Variants in WDR44 observed in about 807,000 individuals in gnomAD.
WDR44 encodes the protein WD repeat domain 44, also known as WD repeat-containing protein 44.
In WDR44, 9 loss-of-function variants were observed where a neutral mutation model predicts 65.7. The ratio of observed to expected loss-of-function variants is 0.14; its 90% CI spans 0.08 to 0.24. The LOEUF (loss-of-function observed/expected upper bound fraction) is 0.24, where lower values mean the gene tolerates loss of function less well. Ranked by LOEUF, WDR44 falls within the 10% of genes least tolerant of loss-of-function variation. WDR44 has a pLI of 1.00. For missense variants in WDR44, 425 were observed against 670.9 expected (o/e 0.63, Z 4.05); for synonymous variants, 220 against 235.2 (o/e 0.94, Z 0.59).
chrX:118,385,456 G>C (rs1217557180), intron 2 of WDR44, among the ~76,000 whole-genome samples: 1 of 111,320 alleles, frequency 9.0e-6, no homozygotes, highest in African/African-American at 3.3e-5. Context: ...TAAATGATGT[G>C]GACACATGAA....
In WDR44 at chrX:118,449,906, T is replaced by C. The variant is rs2057376046; in HGVS notation, c.*919T>C. 8.9e-6 allele frequency: 1 copy of C among 112,561 alleles called. No individual in the cohort carries two copies. Among genetic ancestry groups the C allele is most frequent in the African/African-American group, 3.2e-5 (1 of 30,940 alleles). 9.3% of individuals were successfully genotyped at this position (112,561 alleles called of 1,213,427 possible). Reference sequence around the variant, plus strand: ...GATCATGTTGTTGATGGTTAGCATATGTTTCTGAAAATTAAATATGTATTA... The same window carrying C: ...GATCATGTTGTTGATGGTTAGCATACGTTTCTGAAAATTAAATATGTATTA... On this transcript the variant is annotated 3_prime_UTR_variant, in exon 20 of 20. Coordinates refer to ENST00000254029, the MANE Select transcript of WDR44 (RefSeq NM_019045.5).
chrX:118,408,315 T>C (rs1004894601), intron 10 of WDR44, among the ~76,000 whole-genome samples: 2 of 111,681 alleles, frequency 1.8e-5, no homozygotes, highest in African/African-American at 6.5e-5. Context: ...TCTCAGTATC[T>C]AGAGATTCTG....
Position 118,441,466 on chromosome X carries a change from G to A in WDR44, c.2073G>A (p.Gln691=). The change falls in exon 15 of 20, where the codon CAG becomes CAA. Residue 691 remains glutamine, a synonymous_variant. Transcript: ENST00000254029. ...CTTTGTGGAATGAAGTAGATGGTCA[G>A]ACAAAATTGATCACAGCTGCAAATT... ...KVALWNEVDG[Q]TKLITAANFC... 2 of 1,211,418 alleles carry A rather than the reference G, an allele frequency of 1.7e-6. No homozygotes were observed. The highest frequency in any genetic ancestry group is 2.2e-6 in the Non-Finnish European group (2 of 895,160).
intron 1 of WDR44, among the ~76,000 whole-genome samples, chrX:118,372,929 A>G (rs918456629): frequency 1.9e-4 from 21 of 111,253 alleles, no homozygotes; most frequent in Non-Finnish European, 3.2e-4. Context: ...TCTCTACTAA[A>G]AATACAAAAA....
chrX:118,384,607 G>A (rs1338089858), intron 2 of WDR44, among the ~76,000 whole-genome samples: 2 of 111,887 alleles, frequency 1.8e-5, no homozygotes, highest in Non-Finnish European at 3.8e-5. Flanking sequence ...AAGTCGGGTA[G>A]CATGATGCCT....
At chrX:118,405,895 C>A (rs180913843) in intron 9 of WDR44, among the ~76,000 whole-genome samples, 1 of 111,351 alleles carries the variant, frequency 9.0e-6, no homozygotes, top group African/African-American at 3.3e-5. Context: ...AATTCCAGTA[C>A]TTTGAGAGGC....
Position 118,436,710 on chromosome X carries a change from T to C in WDR44, c.1860T>C (p.Phe620=). The change falls in exon 14 of 20, where the codon TTT becomes TTC. Residue 620 remains phenylalanine (F), a synonymous_variant. Coordinates refer to ENST00000254029, the MANE Select transcript of WDR44 (RefSeq NM_019045.5). ...TGTCATTTTCCCCATAGAACTACTT[T>C]CTTCTTTCTTCTTCAATGGATAAAA... The part of the protein sequence containing the change: ...LLDLSWSKNY[F]LLSSSMDKTV... 1.7e-6 allele frequency: 2 copies of C among 1,189,782 alleles called. No homozygotes were observed. The highest frequency in any genetic ancestry group is 2.3e-6 in the Non-Finnish European group (2 of 882,313).
At chrX:118,397,847 A>G (rs2056878627) in intron 7 of WDR44, among the ~76,000 whole-genome samples, 1 of 112,211 alleles carries the variant, frequency 8.9e-6, no homozygotes, top group Non-Finnish European at 1.9e-5. Flanking sequence ...TAAATTTCTA[A>G]ATTGCATTCA....
intron 1 of WDR44, among the ~76,000 whole-genome samples, chrX:118,352,823 TAAAGGTAGCCCC>T (rs1361528372): frequency 9.1e-6 from 1 of 110,118 alleles, no homozygotes; most frequent in East Asian, 2.9e-4. Context: ...GTGGAAGAGG[TAAAGGTAGCCCC>T]AGCAGTAGGT....
rs781659068 is a variant in WDR44, at chrX:118,393,293, A to T, written c.826+22A>T. ...GATGGCAAGTATTAATTGAGAAATC[A>T]CTCTGTTGGTTGGGCACAGTGGCTC... On this transcript the variant is annotated intron_variant, in intron 4 of 19. Transcript: ENST00000254029. 4 of 1,166,084 alleles carry T rather than the reference A, an allele frequency of 3.4e-6. No individual in the cohort carries two copies. In the South Asian group the frequency reaches 7.8e-5, roughly 23 times the overall value.
intron 8 of WDR44, among the ~76,000 whole-genome samples, chrX:118,400,101 CA>C (rs57505854): frequency 0.16 from 16,234 of 100,019 alleles, 2,418 homozygotes; most frequent in African/African-American, 0.44. Context: ...CACCCCCCAC[CA>C]AAAAAAAAAA....
chrX:118,397,961 G>A (rs975966119), intron 7 of WDR44, among the ~76,000 whole-genome samples: 6 of 112,128 alleles, frequency 5.4e-5, no homozygotes, highest in Non-Finnish European at 9.4e-5. Context: ...TATGGGCCGA[G>A]CACAGTGGCT....
chrX:118,360,787 G>A (rs1371493166), intron 1 of WDR44, among the ~76,000 whole-genome samples: 1 of 111,746 alleles, frequency 8.9e-6, no homozygotes, highest in Non-Finnish European at 1.9e-5. Flanking sequence ...AGGATAGAGG[G>A]GGATAAAAAC....
chrX:118,421,740 T>G lies in WDR44; in HGVS notation c.1737+10781T>G, dbSNP rs566779606. On this transcript the variant is annotated intron_variant, in intron 12 of 19. Transcript: ENST00000254029. ...ATTGGTAATGCCAAGCCTAGAATTC[T>G]GGCTACTTTCTGTTTCTGTTAATTT... Among the ~76,000 whole-genome samples the G allele has an allele frequency of 1.2e-4, 14 of 112,039 alleles. No individual in the cohort carries two copies. In the South Asian group the frequency reaches 5.2e-3, roughly 42 times the overall value.
chrX:118,379,503 A>G (rs2056695592), intron 2 of WDR44, among the ~76,000 whole-genome samples: 1 of 111,827 alleles, frequency 8.9e-6, no homozygotes, highest in African/African-American at 3.2e-5. Flanking sequence ...AAACATATAC[A>G]GTAACGTTTC....
intron 1 of WDR44, among the ~76,000 whole-genome samples, chrX:118,352,746 T>C (rs1456860879): frequency 1.8e-5 from 2 of 109,787 alleles, no homozygotes; most frequent in East Asian, 5.7e-4. Context: ...TGTTAGTTAC[T>C]TCCTGGGGTA....
At chrX:118,398,554 T>C in intron 8 of WDR44, 84 bp downstream of exon 8, 1 of 805,978 alleles carries the variant, frequency 1.2e-6, no homozygotes, top group Non-Finnish European at 1.8e-6. Context: ...TAAATCATGC[T>C]CCATGTAGTT....
At chrX:118,405,031 G>A (rs767689062) in intron 9 of WDR44, among the ~76,000 whole-genome samples, 11 of 110,348 alleles carry the variant, frequency 1.0e-4, no homozygotes, top group South Asian at 7.6e-4. Flanking sequence ...ATTTGGTTTT[G>A]GGTTTTTCTT....
At chrX:118,370,544 A>T (rs185506216) in intron 1 of WDR44, among the ~76,000 whole-genome samples, 1,329 of 110,265 alleles carry the variant, frequency 0.012, 13 homozygotes, top group African/African-American at 0.04. Context: ...TGCTGGTACC[A>T]TTCTTCTTGT....
Sources: gnomAD v4.1 joint callset for allele counts (sites outside exome capture counted in the v4.1 genomes callset) on GRCh38, gnomAD v4.1.1 for gene constraint, MANE v1.5 for transcripts, NCBI Gene and HGNC (gene_info 2026-07-23, HGNC 2026-07-21) for gene names.